Variants in MGAM observed in about 807,000 individuals in gnomAD.
MGAM encodes the protein alpha-1,4-glucosidase.
Under a neutral mutation model 358.8 loss-of-function variants are expected in MGAM, and 253 were observed. The ratio of observed to expected loss-of-function variants is 0.71; its 90% confidence interval spans 0.64 to 0.78. The LOEUF (loss-of-function observed/expected upper bound fraction) is 0.78, where lower values mean the gene tolerates loss of function less well. MGAM is among the 30% of genes least tolerant of loss of function. MGAM has a pLI of 0.00. For missense variants in MGAM, 3,080 were observed against 3,432.6 expected, an observed-to-expected ratio of 0.90 and a Z score of 2.57; for synonymous variants, 1,105 against 1,227.1, an observed-to-expected ratio of 0.90 and a Z score of 2.08.
chr7:142,092,579 C>A lies in MGAM; in HGVS notation c.7004C>A (p.Ala2335Asp). 1 of 1,545,730 alleles carries A rather than the reference C, an allele frequency of 6.5e-7. No individual in the cohort carries two copies. The highest frequency in any genetic ancestry group is 8.9e-7 in the Non-Finnish European group (1 of 1,127,060). Residue 2335 changes from alanine to aspartate, a missense_variant, in exon 59 of 71, where the codon GCC (alanine) becomes GAC (aspartate). Ala to Asp is a moderately radical substitution (Grantham distance 126). Transcript: ENST00000475668. ...GCAGTTTCTCCAGGCTGCAGGGATG[C>A]CTCTCTGAACCACCCTCCCTACATG... ...NGAVSPGCRD[A>D]SLNHPPYMPY...
chr7:142,081,962 T>C (rs1382626650), intron 50 of MGAM, 80 bp from the exon 51 acceptor site: 2 of 1,363,460 alleles, frequency 1.5e-6, no homozygotes, highest in Non-Finnish European at 2.1e-6. Context: ...TCAAGTGTTC[T>C]GTTGTCCTTG....
chr7:142,024,902 A>G (rs1554460284), intron 7 of MGAM, 148 bp from the exon 8 acceptor site: 24 of 600,582 alleles, frequency 4.0e-5, no homozygotes, highest in Non-Finnish European at 3.0e-6. Flanking sequence ...AACTAGATAT[A>G]GACCCCATCT....
At position 142,020,996 on chromosome 7, in the gene MGAM, T is replaced by C. The variant is rs782633813; in HGVS notation, c.471T>C (p.Asn157=). Residue 157 remains asparagine, a synonymous_variant, in exon 5 of 71, where the codon AAT becomes AAC. Coordinates refer to ENST00000475668, the MANE Select transcript of MGAM (RefSeq NM_001365693.1). ...TAGGATTCACAGCCCGGTTGAAAAA[T>C]CTGCCTTCTTCACCAGTGTTTGGAA... ...TNAGFTARLK[N]LPSSPVFGSN... is the part of the protein sequence containing the mutation. 2 of 1,613,438 alleles carry C rather than the reference T, an allele frequency of 1.2e-6. No individual in the cohort carries two copies. Among genetic ancestry groups the C allele is most frequent in the East Asian group, 4.5e-5 (2 of 44,842 alleles).
intron 57 of MGAM, among the ~76,000 whole-genome samples, chr7:142,091,517 G>T (rs1263124918): frequency 6.9e-6 from 1 of 145,490 alleles, no homozygotes; most frequent in Non-Finnish European, 1.6e-5. Flanking sequence ...GGAGTCCCTG[G>T]GTGTTTCTTC....
In MGAM at chr7:142,047,810, A is replaced by T; in HGVS notation, c.2524A>T (p.Ile842Phe). 1 of 1,612,684 alleles carries T rather than the reference A, an allele frequency of 6.2e-7. No homozygotes were observed. Among genetic ancestry groups the T allele is most frequent in the Non-Finnish European group, 8.5e-7 (1 of 1,178,806 alleles). Reference sequence around the variant, plus strand: ...TCGAAAGAACCCTCTTGGTCTTATCATTGCCCTAGATGAGAACAAAGAAGC... The same window carrying T: ...TCGAAAGAACCCTCTTGGTCTTATCTTTGCCCTAGATGAGAACAAAGAAGC... ...ASRKNPLGLI[I>F]ALDENKEAKG... The change falls in exon 22 of 71, where the codon ATT (isoleucine) becomes TTT (phenylalanine). Residue 842 changes from isoleucine to phenylalanine, a missense_variant. Transcript: ENST00000475668.
At chr7:142,054,400 G>A (rs1361962196) in intron 26 of MGAM, among the ~76,000 whole-genome samples, 3 of 152,064 alleles carry the variant, frequency 2.0e-5, no homozygotes, top group African/African-American at 7.2e-5. Flanking sequence ...ATTTTGGGGA[G>A]ACAGGTTTTT....
chr7:142,080,309 A>G (rs1814140836), intron 49 of MGAM, among the ~76,000 whole-genome samples: 1 of 146,310 alleles, frequency 6.8e-6, no homozygotes, highest in South Asian at 2.2e-4. Flanking sequence ...TATTGAGCTC[A>G]CATCCCTAGT....
chr7:142,104,074 G>A (rs910698585), intron 70 of MGAM, among the ~76,000 whole-genome samples: 7 of 152,148 alleles, frequency 4.6e-5, no homozygotes, highest in East Asian at 3.9e-4. Context: ...GGATGGTCTC[G>A]ATCTCCTGAC....
chr7:142,016,589 T>A (rs7809134), intron 3 of MGAM, among the ~76,000 whole-genome samples: 1 of 152,102 alleles, frequency 6.6e-6, no homozygotes, highest in Non-Finnish European at 1.5e-5. Context: ...TTAGTATGGC[T>A]TTTATTTTAT....
chr7:142,047,970 AGTAGG>A (rs2129028141), intron 22 of MGAM, 97 bp downstream of exon 22: 1 of 901,334 alleles, frequency 1.1e-6, no homozygotes, highest in African/African-American at 1.7e-5. Context: ...GAGAAATCTC[AGTAGG>A]CACAGTAGCA....
chr7:142,041,733 T>C (rs1385895525), intron 21 of MGAM, among the ~76,000 whole-genome samples: 2 of 149,710 alleles, frequency 1.3e-5, no homozygotes, highest in Admixed American at 6.9e-5. Context: ...TTTGCACTTA[T>C]CCTTTCCAAC....
chr7:142,042,795 CATATAATATCTAA>C (rs1291265805), intron 21 of MGAM, among the ~76,000 whole-genome samples: 3 of 67,566 alleles, frequency 4.4e-5, no homozygotes, highest in East Asian at 4.5e-4. Flanking sequence ...AATATATATA[CATATAATATCTAA>C]ATATAATATC....
rs192113254 is a variant in MGAM at position 142,075,142 on chromosome 7, C to T, written c.5275+969C>T. ...CTTATTTCACTTAGTATAATGTCCT[C>T]CTAAGTCATTCATGCTGTTGCGAAT... On this transcript the variant is annotated intron_variant, in intron 45 of 70. Transcript: ENST00000475668. Among the ~76,000 whole-genome samples, 242 of 146,416 alleles carry T rather than the reference C, an allele frequency of 1.7e-3. 42 individuals carry two copies. In the Admixed American group the frequency reaches 0.017, roughly 10 times the overall value.
At chr7:142,035,703 A>T (rs1316327717) in intron 16 of MGAM, among the ~76,000 whole-genome samples, 3 of 152,178 alleles carry the variant, frequency 2.0e-5, no homozygotes, top group Non-Finnish European at 2.9e-5. Context: ...TGCTAAAAAG[A>T]TGGGTTGGAA....
intron 24 of MGAM, among the ~76,000 whole-genome samples, chr7:142,051,357 G>T (rs1810931584): frequency 6.6e-6 from 1 of 152,026 alleles, no homozygotes; most frequent in Non-Finnish European, 1.5e-5. Context: ...GAGCATTGTT[G>T]GGAGTGGGAG....
chr7:142,062,518 C>A (rs1441123753), intron 34 of MGAM, 50 bp from the exon 35 acceptor site: 1 of 1,527,980 alleles, frequency 6.5e-7, no homozygotes, highest in African/African-American at 1.4e-5. Flanking sequence ...TGCCTGTTTG[C>A]TGTCTTCTAT....
At chr7:142,067,260 A>G in intron 41 of MGAM, 81 bp from the exon 42 acceptor site, 1 of 1,116,072 alleles carries the variant, frequency 9.0e-7, no homozygotes, top group South Asian at 1.3e-5. Context: ...TCCGACTTGG[A>G]TCTGAACTTG....
chr7:142,004,898 A>G (rs1169985126), intron 1 of MGAM, among the ~76,000 whole-genome samples: 4 of 152,092 alleles, frequency 2.6e-5, no homozygotes, highest in Admixed American at 2.0e-4. Flanking sequence ...AAGATGCTAT[A>G]TCATCTATGT....
At chr7:142,061,650 T>G (rs1812213918) in intron 34 of MGAM, among the ~76,000 whole-genome samples, 1 of 152,178 alleles carries the variant, frequency 6.6e-6, no homozygotes, top group Non-Finnish European at 1.5e-5. Flanking sequence ...CCAGCATTCT[T>G]TAGCTCTTTC....
Sources: allele counts gnomAD v4.1 joint callset (sites outside exome capture counted in the v4.1 genomes callset), GRCh38; gene constraint gnomAD v4.1.1; transcripts MANE v1.5; gene names NCBI Gene and HGNC (gene_info 2026-07-23, HGNC 2026-07-21).